Variants in DNAI4 observed in about 807,000 individuals in gnomAD.
DNAI4 encodes dynein axonemal intermediate chain 4.
In DNAI4, 85 loss-of-function variants were observed where a neutral mutation model predicts 105.8. That is an observed-to-expected ratio of 0.80 (90% confidence interval 0.67 to 0.96). The LOEUF is 0.96. Among genes scored for constraint, DNAI4 ranks in the 40% least tolerant of loss-of-function variants. The pLI is 0.00. For missense variants in DNAI4, 1,014 were observed against 1,005.6 expected, an observed-to-expected ratio of 1.01 and a Z score of -0.11; for synonymous variants, 352 against 331.5, an observed-to-expected ratio of 1.06 and a Z score of -0.67.
At chr1:66,921,133 T>C (rs1039120268) in intron 1 of DNAI4, 4 of 151,964 alleles carry the variant, frequency 2.6e-5, no homozygotes, top group African/African-American at 9.7e-5. Context: ...ATGGAAAAAA[T>C]GGATAACATT....
At chr1:66,858,740 T>A (rs867389543) in intron 7 of DNAI4, among the ~76,000 whole-genome samples, 1 of 152,040 alleles carries the variant, frequency 6.6e-6, no homozygotes, top group Non-Finnish European at 1.5e-5. Context: ...AAAAAGTACT[T>A]GACGAAATTC....
chr1:66,909,076 C>T (rs914043851), intron 1 of DNAI4, among the ~76,000 whole-genome samples: 5 of 152,156 alleles, frequency 3.3e-5, no homozygotes, highest in Admixed American at 1.3e-4. Flanking sequence ...GGACATTGCT[C>T]TAGCAGTTCT....
In DNAI4 at chr1:66,812,941, A is replaced by G. The variant is rs960313664; in HGVS notation, c.*1189T>C. On this transcript the variant is annotated 3_prime_UTR_variant, in exon 17 of 17. Coordinates refer to ENST00000371026, the MANE Select transcript of DNAI4 (RefSeq NM_024763.5). Reference sequence around the variant, plus strand: ...TTACACAAGGTGTTATAGAAAATCCAATCTTTCAGAAAGACAAAAACAAAG... The same window carrying G: ...TTACACAAGGTGTTATAGAAAATCCGATCTTTCAGAAAGACAAAAACAAAG... 18 of 152,492 alleles carry G rather than the reference A, an allele frequency of 1.2e-4. No individual in the cohort carries two copies. In the East Asian group the frequency reaches 1.3e-3, roughly 11 times the overall value. 9.4% of individuals were successfully genotyped at this position (152,492 alleles called of 1,614,324 possible). A position where few individuals can be genotyped will look rare whatever the true frequency, so the allele number is the denominator to read the frequency against.
chr1:66,902,686 G>A (rs1648922881), intron 2 of DNAI4, among the ~76,000 whole-genome samples: 2 of 152,128 alleles, frequency 1.3e-5, no homozygotes, highest in Admixed American at 1.3e-4. Context: ...GCTCTTATTT[G>A]GGGTCTTTGA....
chr1:66,832,195 T>A (rs535523742), intron 13 of DNAI4, among the ~76,000 whole-genome samples: 1 of 152,300 alleles, frequency 6.6e-6, no homozygotes, highest in Non-Finnish European at 1.5e-5. Context: ...AATTTGAGAA[T>A]GAAGGAAGTT....
At chr1:66,901,183 C>CA (rs1648789716) in intron 2 of DNAI4, among the ~76,000 whole-genome samples, 1 of 152,088 alleles carries the variant, frequency 6.6e-6, no homozygotes, top group South Asian at 2.1e-4. Context: ...TTTTTCTATT[C>CA]AATATTTCAT....
chr1:66,874,667 A>G (rs1420496263), intron 5 of DNAI4, 114 bp downstream of exon 5: 13 of 972,162 alleles, frequency 1.3e-5, no homozygotes, highest in African/African-American at 1.7e-5. Flanking sequence ...CTCCCCCCAA[A>G]CCCCATAGTG....
intron 15 of DNAI4, among the ~76,000 whole-genome samples, chr1:66,824,718 G>A (rs576740138): frequency 3.3e-5 from 5 of 152,166 alleles, no homozygotes; most frequent in Admixed American, 3.3e-4. Context: ...TTTGTCTGTT[G>A]TTGGTGTATA....
intron 7 of DNAI4, among the ~76,000 whole-genome samples, chr1:66,853,898 G>T (rs562685547): frequency 1.3e-5 from 2 of 152,090 alleles, no homozygotes; most frequent in African/African-American, 2.4e-5. Context: ...GAAATAAAAG[G>T]CATGTAGATC....
intron 1 of DNAI4, among the ~76,000 whole-genome samples, chr1:66,920,209 T>C (rs1357927161): frequency 6.6e-6 from 1 of 152,166 alleles, no homozygotes; most frequent in Non-Finnish European, 1.5e-5. Context: ...GACAGCTTGA[T>C]GGTGTAGCTT....
At chr1:66,836,194 AAGAAAGAAAGAAAGAGAG>A (rs1204038335) in intron 10 of DNAI4, among the ~76,000 whole-genome samples, 3,055 of 70,582 alleles carry the variant, frequency 0.043, 114 homozygotes, top group Middle Eastern at 0.11. Context: ...GAAAGAAAGA[AAGAAAGAAAGAAAGAGAG>A]AGAGAGAGAG....
intron 2 of DNAI4, among the ~76,000 whole-genome samples, chr1:66,899,658 G>A (rs1648641962): frequency 6.6e-6 from 1 of 152,012 alleles, no homozygotes; most frequent in Non-Finnish European, 1.5e-5. Flanking sequence ...CAAATCCAAG[G>A]TCTTACCCCT....
intron 8 of DNAI4, among the ~76,000 whole-genome samples, chr1:66,844,093 A>AC (rs1646215475): frequency 6.8e-6 from 1 of 147,518 alleles, no homozygotes; most frequent in African/African-American, 2.4e-5. Flanking sequence ...TCAAAAAAAA[A>AC]AAAAAAAAAA....
rs1645930262 is a variant in DNAI4 at position 66,834,148 on chromosome 1, A to G, written c.1734T>C (p.Ser578=). The G allele has an allele frequency of 1.3e-6, 2 of 1,593,578 alleles. No individual in the cohort carries two copies. Among genetic ancestry groups the G allele is most frequent in the East Asian group, 2.3e-5 (1 of 44,098 alleles). Residue 578 remains serine (S), a splice_region_variant and synonymous_variant, in exon 12 of 17, where the codon AGT becomes AGC. Transcript: ENST00000371026. ...SNSNVPVLDS[S]ESPQKHLGPV... ...GTCCCAAATGTTTTTGAGGTGATTC[A>G]CTAAAACAGTAAAAAAAATACTAAA...
rs143930879 is a variant in DNAI4 at position 66,835,700 on chromosome 1, G to A, written c.1659C>T (p.Ala553=). 3.0e-4 allele frequency: 491 copies of A among 1,613,942 alleles called. 3 individuals carry two copies. In the South Asian group the frequency reaches 4.5e-3, roughly 15 times the overall value. ...DFSIGAPNLL[A]VGYHNGTIAI... is the part of the protein sequence containing the mutation. ...CAATTGTGCCATTGTGATAGCCAAC[G>A]GCTAAAAGGTTAGGTGCTCCAATTG... Residue 553 remains alanine (A), a synonymous_variant, in exon 11 of 17, where the codon GCC becomes GCT. Transcript: ENST00000371026.
chr1:66,910,577 C>T (rs899381395), intron 1 of DNAI4, among the ~76,000 whole-genome samples: 3 of 152,240 alleles, frequency 2.0e-5, no homozygotes, highest in Non-Finnish European at 2.9e-5. Context: ...CCTAATCACT[C>T]CATGGCCAAA....
chr1:66,880,048 G>A (rs1032090054), intron 4 of DNAI4, among the ~76,000 whole-genome samples: 48 of 151,814 alleles, frequency 3.2e-4, no homozygotes, highest in Admixed American at 9.2e-4. Context: ...TTTTAAAAGC[G>A]GGAGTTTCCC....
chr1:66,920,978 A>C (rs1005968590), intron 1 of DNAI4, among the ~76,000 whole-genome samples: 9 of 152,234 alleles, frequency 5.9e-5, no homozygotes, highest in African/African-American at 2.2e-4. Context: ...AGCTTTCAAC[A>C]AAAAATTGTA....
At chr1:66,915,721 A>G (rs1032955170) in intron 1 of DNAI4, among the ~76,000 whole-genome samples, 1 of 152,210 alleles carries the variant, frequency 6.6e-6, no homozygotes, top group African/African-American at 2.4e-5. Context: ...GGTTATATAT[A>G]AAACAAGGTA....
Sources: allele counts gnomAD v4.1 joint callset (sites outside exome capture counted in the v4.1 genomes callset), GRCh38; gene constraint gnomAD v4.1.1; transcripts MANE v1.5; gene names NCBI Gene and HGNC (gene_info 2026-07-23, HGNC 2026-07-21).